Variants in CHD1L observed in about 807,000 individuals in gnomAD.
CHD1L encodes chromodomain helicase DNA binding protein 1 like.
CHD1L carries 118 observed loss-of-function variants against 115.9 expected under a neutral mutation model. The ratio of observed to expected loss-of-function variants is 1.02; its 90% CI spans 0.88 to 1.19. CHD1L has a LOEUF of 1.19. Ranked by LOEUF, CHD1L falls within the 50% of genes most tolerant of loss-of-function variation. The probability of loss-of-function intolerance (pLI) is 0.00; values close to 1 mark genes in which losing one functional copy is unlikely to be tolerated. For synonymous variants in CHD1L, 411 were observed against 387.1 expected, an observed-to-expected ratio of 1.06 and a Z score of -0.72; for missense variants, 1,179 against 1,065.3, an observed-to-expected ratio of 1.11 and a Z score of -1.49.
intron 20 of CHD1L, among the ~76,000 whole-genome samples, chr1:147,293,014 G>A (rs782117393): frequency 9.9e-5 from 15 of 152,214 alleles, no homozygotes; most frequent in Non-Finnish European, 2.2e-4. Flanking sequence ...TAAAGTGTCT[G>A]TGCATGAGAA....
At chr1:147,279,411 G>A (rs969070528) in intron 14 of CHD1L, among the ~76,000 whole-genome samples, 2 of 152,126 alleles carry the variant, frequency 1.3e-5, no homozygotes, top group Non-Finnish European at 2.9e-5. Flanking sequence ...AGAGAGGGAC[G>A]AGAGAAGAGA....
the CHD1L span, among the ~76,000 whole-genome samples, chr1:147,226,931 C>G: frequency 6.6e-6 from 1 of 151,762 alleles, no homozygotes; most frequent in Admixed American, 6.6e-5. Context: ...CTCCTGGGCT[C>G]AATCTACCCT....
At chr1:147,266,608 C>T (rs1232495718) in intron 8 of CHD1L, among the ~76,000 whole-genome samples, 1 of 152,196 alleles carries the variant, frequency 6.6e-6, no homozygotes, top group African/African-American at 2.4e-5. Context: ...CCTGCTCTGT[C>T]ATCAGTCCAA....
At chr1:147,194,874 T>A in the CHD1L span, among the ~76,000 whole-genome samples, 1 of 152,110 alleles carries the variant, frequency 6.6e-6, no homozygotes, top group African/African-American at 2.4e-5. Flanking sequence ...TGCCGAGAGA[T>A]CTGCTGTTAG....
the CHD1L span, among the ~76,000 whole-genome samples, chr1:147,235,086 A>AGTGTGTGTGTGT: frequency 2.1e-5 from 2 of 96,494 alleles, no homozygotes; most frequent in East Asian, 5.2e-4. Flanking sequence ...GATATCCCAC[A>AGTGTGTGTGTGT]CTGTGTGTGT....
the CHD1L span, among the ~76,000 whole-genome samples, chr1:147,196,091 A>G: frequency 6.6e-6 from 1 of 152,176 alleles, no homozygotes; most frequent in African/African-American, 2.4e-5. Context: ...TCTTCTCATT[A>G]TCAGGCTAAA....
At chr1:147,206,610 G>T in the CHD1L span, among the ~76,000 whole-genome samples, 3 of 152,278 alleles carry the variant, frequency 2.0e-5, no homozygotes, top group South Asian at 2.1e-4. Context: ...CATGTCCTTT[G>T]TAGAGACATG....
At chr1:147,241,932 T>C (rs1664940634), upstream of CHD1L, among the ~76,000 whole-genome samples, 1 of 152,190 alleles carries the variant, frequency 6.6e-6, no homozygotes, top group East Asian at 1.9e-4. Context: ...AATTATTGGT[T>C]ATTGTGAAGG....
chr1:147,193,674 T>G, the CHD1L span, among the ~76,000 whole-genome samples: 1 of 152,186 alleles, frequency 6.6e-6, no homozygotes, highest in African/African-American at 2.4e-5. Flanking sequence ...ACACACTGCT[T>G]TAAATGTGTT....
At chr1:147,220,531 C>T in the CHD1L span, among the ~76,000 whole-genome samples, 1 of 151,950 alleles carries the variant, frequency 6.6e-6, no homozygotes, top group Admixed American at 6.6e-5. Flanking sequence ...GACTTTGTTC[C>T]AAAGAGTATA....
chr1:147,230,767 T>C, the CHD1L span, among the ~76,000 whole-genome samples: 1 of 150,780 alleles, frequency 6.6e-6, no homozygotes, highest in African/African-American at 2.5e-5. Flanking sequence ...AATTTATCCA[T>C]TTCTTCTAGA....
chr1:147,203,114 C>CCT, the CHD1L span, among the ~76,000 whole-genome samples: 7 of 147,746 alleles, frequency 4.7e-5, no homozygotes, highest in African/African-American at 1.5e-4. Flanking sequence ...CAAAGGTTTC[C>CCT]TTTTTTTTTT....
chr1:147,271,923 C>A (rs1676399492), intron 11 of CHD1L, among the ~76,000 whole-genome samples: 1 of 152,202 alleles, frequency 6.6e-6, no homozygotes, highest in Non-Finnish European at 1.5e-5. Context: ...GTATTAACTT[C>A]ATAAGTGCCA....
the CHD1L span, among the ~76,000 whole-genome samples, chr1:147,236,548 T>G: frequency 3.1e-4 from 47 of 152,272 alleles, no homozygotes; most frequent in African/African-American, 1.0e-3. Context: ...AGGCAGGTTG[T>G]CCCATTGAGT....
Position 147,270,952 on chromosome 1 carries a change from T to G in CHD1L, c.1106T>G (p.Phe369Cys), listed in dbSNP as rs1316209486. 1 of 1,613,948 alleles carries G rather than the reference T, an allele frequency of 6.2e-7. No homozygotes were observed. Among genetic ancestry groups the G allele is most frequent in the Non-Finnish European group, 8.5e-7 (1 of 1,179,986 alleles). Residue 369 changes from phenylalanine to cysteine, a missense_variant, in exon 11 of 23, where the codon TTC becomes TGC. Coordinates refer to ENST00000369258, the MANE Select transcript of CHD1L (RefSeq NM_004284.6). ...GCCAGGGGCCATCGGGTTTTACTTT[T>G]CTCCCAAATGACCCAGATGTTGGAT... ...LYSGGHRVLL[F>C]SQMTQMLDIL... is the part of the protein sequence containing the mutation.
intron 6 of CHD1L, among the ~76,000 whole-genome samples, chr1:147,261,401 C>CTTTTTT (rs201084245): frequency 0.19 from 24,994 of 128,790 alleles, 2,775 homozygotes; most frequent in Middle Eastern, 0.28. Flanking sequence ...CTGCATGACA[C>CTTTTTT]TTTTTTTTTT....
At position 147,287,707 on chromosome 1, in the gene CHD1L, T is replaced by C. The variant is rs1254865890; in HGVS notation, c.2294T>C (p.Ile765Thr). Residue 765 changes from isoleucine (I) to threonine (T), a missense_variant, in exon 19 of 23, where the codon ATA becomes ACA. Physicochemically the swap from Ile to Thr is moderately conservative, Grantham distance 89 (BLOSUM62 -1). Transcript: ENST00000369258. ...AAGCGATCCGCTGAGCCAAGAAAAA[T>C]ATATGAGCTGGCTGGGAAAATGAAA... ...LEKRSAEPRK[I>T]YELAGKMKDL... The C allele has an allele frequency of 7.4e-6, 12 of 1,613,508 alleles. No individual in the cohort carries two copies. Among genetic ancestry groups the C allele is most frequent in the African/African-American group, 1.3e-5 (1 of 74,762 alleles).
chr1:147,292,734 G>A (rs1211322319), intron 20 of CHD1L, among the ~76,000 whole-genome samples: 3 of 152,160 alleles, frequency 2.0e-5, no homozygotes, highest in Non-Finnish European at 4.4e-5. Context: ...GAGAGTGGGG[G>A]AAGGTGCCAC....
chr1:147,271,134 C>T (rs1221191739), intron 11 of CHD1L, 129 bp downstream of exon 11: 1 of 770,082 alleles, frequency 1.3e-6, no homozygotes, highest in Non-Finnish European at 2.1e-6. Context: ...TATTCAGAAC[C>T]AAAAAATCAA....
Sources: allele counts gnomAD v4.1 joint callset (sites outside exome capture counted in the v4.1 genomes callset), GRCh38; gene constraint gnomAD v4.1.1; transcripts MANE v1.5; gene names NCBI Gene and HGNC (gene_info 2026-07-23, HGNC 2026-07-21).